THNSL1: variants seen among roughly 807,000 people sequenced by gnomAD.
The protein encoded by THNSL1 is threonine synthase-like 1.
In THNSL1, 48 loss-of-function variants were observed where a neutral mutation model predicts 50.4. That is an observed-to-expected ratio of 0.95 (90% CI 0.76 to 1.21). THNSL1 has a LOEUF of 1.21. THNSL1 is among the 50% of genes most tolerant of loss of function. The probability of loss-of-function intolerance (pLI) is 0.00; values close to 1 mark genes in which losing one functional copy is unlikely to be tolerated. For missense variants in THNSL1, 896 were observed against 871.7 expected, an observed-to-expected ratio of 1.03 and a Z score of -0.35; for synonymous variants, 309 against 306.1, an observed-to-expected ratio of 1.01 and a Z score of -0.10.
chr10:24,970,540 T>A, the THNSL1 span, among the ~76,000 whole-genome samples: 1 of 150,030 alleles, frequency 6.7e-6, no homozygotes, highest in Non-Finnish European at 1.5e-5. Flanking sequence ...CAAGAACCTG[T>A]CTCTAAAAAA....
chr10:25,012,963 G>T (rs1850484459), upstream of THNSL1, among the ~76,000 whole-genome samples: 1 of 152,152 alleles, frequency 6.6e-6, no homozygotes, highest in South Asian at 2.1e-4. Flanking sequence ...GTCATGGGAG[G>T]GATCTGGTGA....
the THNSL1 span, chr10:24,995,973 GT>G: frequency 1.1e-6 from 1 of 871,514 alleles, no homozygotes; most frequent in East Asian, 2.8e-5. Context: ...TGAAGTTGCA[GT>G]CATAATATAT....
chr10:25,022,965 A>AT (rs1268011605), intron 2 of THNSL1, among the ~76,000 whole-genome samples: 1 of 152,162 alleles, frequency 6.6e-6, no homozygotes, highest in African/African-American at 2.4e-5. Flanking sequence ...GTGTCTTGAG[A>AT]TTTTAAAAGA....
the THNSL1 span, chr10:24,982,415 A>G: frequency 6.6e-6 from 1 of 152,282 alleles, no homozygotes; most frequent in African/African-American, 2.4e-5. Context: ...AAGATCATAG[A>G]CAAGGGGCCA....
the THNSL1 span, among the ~76,000 whole-genome samples, chr10:24,975,305 G>C: frequency 6.6e-6 from 1 of 152,238 alleles, no homozygotes; most frequent in African/African-American, 2.4e-5. Context: ...AGAAAGGAAA[G>C]TAGACAGCTG....
chr10:24,983,672 G>C, the THNSL1 span: 1 of 151,936 alleles, frequency 6.6e-6, no homozygotes, highest in South Asian at 2.1e-4. Context: ...TTTCTATAAG[G>C]CTTCCAAATT....
the THNSL1 span, among the ~76,000 whole-genome samples, chr10:25,004,293 AG>A: frequency 6.6e-6 from 1 of 152,184 alleles, no homozygotes; most frequent in Non-Finnish European, 1.5e-5. Context: ...GTATATATCC[AG>A]TTATGGGATT....
chr10:25,001,942 A>G, the THNSL1 span, among the ~76,000 whole-genome samples: 1 of 152,052 alleles, frequency 6.6e-6, no homozygotes, highest in Non-Finnish European at 1.5e-5. Context: ...TGTGAATTTT[A>G]CATTGTTTGT....
Position 25,023,801 on chromosome 10 carries a change from A to G in THNSL1, c.578A>G (p.Tyr193Cys), listed in dbSNP as rs1001769294. 2.5e-6 allele frequency: 4 copies of G among 1,614,220 alleles called. No individual in the cohort carries two copies. In the South Asian group the frequency reaches 4.4e-5, roughly 18 times the overall value. ...KDLLKFRRQY[Y>C]KKWYDARVFC... ...TTACTTAAATTTAGAAGACAGTATT[A>G]TAAGAAGTGGTATGATGCTCGTGTT... The change falls in exon 3 of 3, where the codon TAT becomes TGT. Residue 193 changes from tyrosine to cysteine, a missense_variant. By Grantham distance (194) the Tyr-to-Cys change is radical. Transcript: ENST00000376356.
the THNSL1 span, among the ~76,000 whole-genome samples, chr10:24,988,617 A>C: frequency 1.9e-5 from 2 of 105,102 alleles, no homozygotes; most frequent in African/African-American, 7.5e-5. Flanking sequence ...CCACTGGAGG[A>C]TTATAGATCT....
chr10:25,021,672 ACTAGT>A (rs1201739018), intron 1 of THNSL1, 65 bp from the exon 2 acceptor site: 2 of 152,164 alleles, frequency 1.3e-5, no homozygotes, highest in African/African-American at 4.8e-5. Flanking sequence ...CAAATAATAG[ACTAGT>A]CTATGTGTAG....
chr10:24,966,883 G>T, the THNSL1 span, among the ~76,000 whole-genome samples: 3 of 152,134 alleles, frequency 2.0e-5, no homozygotes, highest in Non-Finnish European at 4.4e-5. Context: ...TTAGAATAAC[G>T]CAGACCCTAG....
At chr10:25,016,454 G>T (rs191564268), upstream of THNSL1, among the ~76,000 whole-genome samples, 15 of 152,348 alleles carry the variant, frequency 9.8e-5, no homozygotes, top group East Asian at 2.9e-3. Context: ...CCCCAATCGC[G>T]GTGTGGGCGG....
chr10:25,002,737 T>C, the THNSL1 span, among the ~76,000 whole-genome samples: 1 of 152,226 alleles, frequency 6.6e-6, no homozygotes, highest in African/African-American at 2.4e-5. Context: ...ATTGTTTTTT[T>C]CCTTTTAGGA....
At chr10:25,011,977 T>C (rs938890175), upstream of THNSL1, among the ~76,000 whole-genome samples, 8 of 152,244 alleles carry the variant, frequency 5.3e-5, no homozygotes, top group Admixed American at 3.3e-4. Context: ...AATGGTTTCA[T>C]GGGCTGGGCC....
chr10:25,016,800 G>T, intron 1 of THNSL1, 108 bp downstream of exon 1: 1 of 152,568 alleles, frequency 6.6e-6, no homozygotes, highest in Admixed American at 6.5e-5. Context: ...GTGAGTTATT[G>T]GAGGAGAAAG....
chr10:24,976,128 A>T, the THNSL1 span, among the ~76,000 whole-genome samples: 1 of 152,192 alleles, frequency 6.6e-6, no homozygotes, highest in African/African-American at 2.4e-5. Context: ...GTGGTGGGTT[A>T]GAACGACTGC....
chr10:25,019,495 A>T (rs1018042809), intron 1 of THNSL1, among the ~76,000 whole-genome samples: 16 of 152,202 alleles, frequency 1.1e-4, no homozygotes, highest in Non-Finnish European at 1.5e-5. Context: ...AAAACACGAA[A>T]ATAATGGAAC....
In THNSL1 at chr10:25,024,022, G is replaced by T. The variant is rs1186736775; in HGVS notation, c.799G>T (p.Val267Phe). The T allele has an allele frequency of 6.2e-7, 1 of 1,614,072 alleles. No homozygotes were observed. Among genetic ancestry groups the T allele is most frequent in the African/African-American group, 1.3e-5 (1 of 74,932 alleles). The change falls in exon 3 of 3, where the codon GTT becomes TTT. Residue 267 changes from valine to phenylalanine, a missense_variant. Val to Phe is a conservative substitution (Grantham distance 50). Coordinates refer to ENST00000376356, the MANE Select transcript of THNSL1 (RefSeq NM_024838.5). Reference protein sequence around the residue: ...EGLASDGGLFVPAKEFPKLSC... With the variant: ...EGLASDGGLFFPAKEFPKLSC... ...GTTGGCTTCTGATGGTGGCCTCTTTGTTCCTGCAAAGGAGTTTCCAAAATT... is the reference window on the plus strand; with the variant it reads ...GTTGGCTTCTGATGGTGGCCTCTTTTTTCCTGCAAAGGAGTTTCCAAAATT...
Sources: gnomAD v4.1 joint callset for allele counts (sites outside exome capture counted in the v4.1 genomes callset) on GRCh38, gnomAD v4.1.1 for gene constraint, MANE v1.5 for transcripts, NCBI Gene and HGNC (gene_info 2026-07-23, HGNC 2026-07-21) for gene names.